Variants in SLC24A2 observed in about 807,000 individuals in gnomAD.
The protein encoded by SLC24A2 is solute carrier family 24 member 2.
Under a neutral mutation model 62.0 loss-of-function variants are expected in SLC24A2, and 36 were observed. That is an observed-to-expected ratio of 0.58 (90% CI 0.44 to 0.77). The LOEUF is 0.77. SLC24A2 is among the 30% of genes least tolerant of loss of function. The probability of loss-of-function intolerance (pLI) is 0.00; values close to 1 mark genes in which losing one functional copy is unlikely to be tolerated. For synonymous variants in SLC24A2, 358 were observed against 294.0 expected, an observed-to-expected ratio of 1.22 and a Z score of -2.23; for missense variants, 846 against 817.9, an observed-to-expected ratio of 1.03 and a Z score of -0.42.
the SLC24A2 span, among the ~76,000 whole-genome samples, chr9:19,963,670 T>A: frequency 6.6e-5 from 10 of 152,186 alleles, no homozygotes; most frequent in Admixed American, 2.6e-4. Context: ...CACAGTGAGA[T>A]ACCATCTCAC....
the SLC24A2 span, among the ~76,000 whole-genome samples, chr9:19,851,003 A>T: frequency 5.3e-5 from 2 of 37,712 alleles, no homozygotes; most frequent in African/African-American, 1.8e-4. Flanking sequence ...ATATATATAC[A>T]CATACATATA....
chr9:20,155,274 G>A, the SLC24A2 span, among the ~76,000 whole-genome samples: 330 of 151,592 alleles, frequency 2.2e-3, 2 homozygotes, highest in Admixed American at 0.017. Flanking sequence ...TAAAATAAAA[G>A]TACCTGTATT....
At position 19,636,320 on chromosome 9, in the gene SLC24A2, T is replaced by TTTTCTTTTCTTTTCTTTTCTC. The variant is rs1564009722; in HGVS notation, c.931-14022_931-14021insGAGAAAAGAAAAGAAAAGAAA. ...TTTTCTTTTCTTTTCTTTTCTTTTC[T>TTTTCTTTTCTTTTCTTTTCTC]TTCTTTCTTTCTTTCTTTCTTTCTT... On this transcript the variant is annotated intron_variant, in intron 2 of 10. Coordinates refer to ENST00000341998, the MANE Select transcript of SLC24A2 (RefSeq NM_020344.4). Among the ~76,000 whole-genome samples the TTTTCTTTTCTTTTCTTTTCTC allele has an allele frequency of 1.4e-4, 3 of 21,358 alleles. 1 individual carries two copies. Among genetic ancestry groups the TTTTCTTTTCTTTTCTTTTCTC allele is most frequent in the African/African-American group, 4.8e-4 (3 of 6,296 alleles). 14.0% of individuals were successfully genotyped at this position (21,358 alleles called of 152,430 possible). A position where few individuals can be genotyped will look rare whatever the true frequency, so the allele number is the denominator to read the frequency against.
At chr9:19,872,567 G>A in the SLC24A2 span, among the ~76,000 whole-genome samples, 23 of 152,268 alleles carry the variant, frequency 1.5e-4, no homozygotes, top group African/African-American at 5.3e-4. Flanking sequence ...TCTGAGAGGA[G>A]GTTGCTGATG....
chr9:20,190,247 T>C, the SLC24A2 span, among the ~76,000 whole-genome samples: 2 of 152,190 alleles, frequency 1.3e-5, no homozygotes, highest in Non-Finnish European at 2.9e-5. Context: ...GAAGGGACTA[T>C]GCCAGGGCAG....
At chr9:19,744,743 C>T (rs1038897347) in intron 2 of SLC24A2, among the ~76,000 whole-genome samples, 5 of 152,144 alleles carry the variant, frequency 3.3e-5, no homozygotes, top group African/African-American at 1.2e-4. Context: ...ACTTCATTAG[C>T]CCCAACTATA....
chr9:20,076,421 CA>C, the SLC24A2 span, among the ~76,000 whole-genome samples: 1 of 152,082 alleles, frequency 6.6e-6, no homozygotes, highest in Admixed American at 6.6e-5. Context: ...AAGACAGACA[CA>C]CGAAGGGAGA....
chr9:19,972,858 C>G, the SLC24A2 span, among the ~76,000 whole-genome samples: 1 of 152,140 alleles, frequency 6.6e-6, no homozygotes, highest in Non-Finnish European at 1.5e-5. Context: ...ACGAGAAGAG[C>G]AGCAGGACTC....
the SLC24A2 span, among the ~76,000 whole-genome samples, chr9:19,842,770 A>C: frequency 6.6e-6 from 1 of 152,228 alleles, no homozygotes; most frequent in African/African-American, 2.4e-5. Flanking sequence ...TATTCTACAC[A>C]GTCCTTCTAT....
the SLC24A2 span, among the ~76,000 whole-genome samples, chr9:19,882,064 T>C: frequency 6.6e-6 from 1 of 152,242 alleles, no homozygotes; most frequent in East Asian, 1.9e-4. Context: ...AACACCACCA[T>C]ATTAATCTGT....
At chr9:19,996,078 A>T in the SLC24A2 span, among the ~76,000 whole-genome samples, 15 of 152,226 alleles carry the variant, frequency 9.9e-5, no homozygotes, top group Non-Finnish European at 2.9e-5. Context: ...ATTAGCAAAG[A>T]TGCTTGTAAC....
At chr9:19,787,901 C>A (rs974615394) in intron 1 of SLC24A2, among the ~76,000 whole-genome samples, 38 of 152,160 alleles carry the variant, frequency 2.5e-4, no homozygotes, top group Admixed American at 2.4e-3. Context: ...CCCAAAATAG[C>A]CCCACCACTG....
At chr9:20,048,066 T>C in the SLC24A2 span, among the ~76,000 whole-genome samples, 1 of 152,110 alleles carries the variant, frequency 6.6e-6, no homozygotes. Flanking sequence ...AAACCCAGGA[T>C]TGGGATGCAA....
intron 2 of SLC24A2, among the ~76,000 whole-genome samples, chr9:19,677,386 CA>C (rs1292613947): frequency 6.6e-6 from 1 of 152,124 alleles, no homozygotes; most frequent in Non-Finnish European, 1.5e-5. Flanking sequence ...ATGATGAGAA[CA>C]CATGGACACA....
chr9:20,227,931 T>G, the SLC24A2 span, among the ~76,000 whole-genome samples: 1 of 152,186 alleles, frequency 6.6e-6, no homozygotes, highest in East Asian at 1.9e-4. Context: ...AAAAACAACC[T>G]GTTTCAGTTT....
At chr9:19,713,611 G>C (rs1337967139) in intron 2 of SLC24A2, among the ~76,000 whole-genome samples, 2 of 76,572 alleles carry the variant, frequency 2.6e-5, no homozygotes, top group African/African-American at 5.6e-5. Flanking sequence ...TTGATAATGA[G>C]AAGAAGTCCT....
the SLC24A2 span, among the ~76,000 whole-genome samples, chr9:20,085,020 G>C: frequency 6.6e-6 from 1 of 152,106 alleles, no homozygotes; most frequent in Non-Finnish European, 1.5e-5. Flanking sequence ...CTTTGAGACA[G>C]GGTCTCACTC....
intron 2 of SLC24A2, among the ~76,000 whole-genome samples, chr9:19,767,924 G>T (rs979606784): frequency 6.6e-6 from 1 of 152,184 alleles, no homozygotes; most frequent in Non-Finnish European, 1.5e-5. Context: ...CCTGCTAAGA[G>T]TCTTCTTGTT....
the SLC24A2 span, among the ~76,000 whole-genome samples, chr9:20,092,834 A>G: frequency 6.6e-6 from 1 of 152,198 alleles, no homozygotes; most frequent in African/African-American, 2.4e-5. Context: ...TTAGATCCCC[A>G]GAACTTATTC....
Sources: allele counts gnomAD v4.1 joint callset (sites outside exome capture counted in the v4.1 genomes callset), GRCh38; gene constraint gnomAD v4.1.1; transcripts MANE v1.5; gene names NCBI Gene and HGNC (gene_info 2026-07-23, HGNC 2026-07-21).